ANKRD30B: variants seen among roughly 807,000 people sequenced by gnomAD.
The protein encoded by ANKRD30B is ankyrin repeat domain 30B, also known as ankyrin repeat domain-containing protein 30B.
A neutral mutation model predicts 202.2 loss-of-function variants in ANKRD30B; 144 were observed. That is an observed-to-expected ratio of 0.71 (90% confidence interval 0.62 to 0.82). The LOEUF is 0.82. Ranked by LOEUF, ANKRD30B falls within the 40% of genes least tolerant of loss-of-function variation. ANKRD30B has a pLI of 0.00. For missense variants in ANKRD30B, 1,487 were observed against 1,669.1 expected (o/e 0.89, Z 1.90); for synonymous variants, 508 against 561.3 (o/e 0.91, Z 1.34).
At chr18:14,940,982 G>C in the ANKRD30B span, among the ~76,000 whole-genome samples, 2,800 of 152,132 alleles carry the variant, frequency 0.018, 94 homozygotes, top group African/African-American at 0.063. Flanking sequence ...CACAGCACCT[G>C]AGCTTAGGGT....
chr18:14,894,174 C>T, the ANKRD30B span, among the ~76,000 whole-genome samples: 1 of 152,176 alleles, frequency 6.6e-6, no homozygotes, highest in Middle Eastern at 3.4e-3. Context: ...TTTATCTAAA[C>T]TTTTTTTTCT....
At chr18:14,876,454 CA>C in the ANKRD30B span, among the ~76,000 whole-genome samples, 1 of 152,106 alleles carries the variant, frequency 6.6e-6, no homozygotes, top group South Asian at 2.1e-4. Context: ...GAAATGATGC[CA>C]ACATTTAGCC....
intron 13 of ANKRD30B, 27 bp from the exon 14 acceptor site, chr18:14,784,436 G>C: frequency 6.2e-7 from 1 of 1,612,556 alleles, no homozygotes; most frequent in Middle Eastern, 1.7e-4. Context: ...ATTCTTTATT[G>C]ATCATTTTTC....
At chr18:14,798,848 A>T (rs1969112941) in intron 20 of ANKRD30B, among the ~76,000 whole-genome samples, 2 of 152,168 alleles carry the variant, frequency 1.3e-5, no homozygotes, top group Admixed American at 1.3e-4. Context: ...GTCTTTACAC[A>T]ATCCTGCATG....
At chr18:14,788,023 C>A (rs1479147843) in intron 15 of ANKRD30B, among the ~76,000 whole-genome samples, 2 of 152,116 alleles carry the variant, frequency 1.3e-5, no homozygotes, top group East Asian at 3.8e-4. Context: ...TTATTTTAAG[C>A]CCCTGTTTAC....
intron 2 of ANKRD30B, 23 bp from the exon 3 acceptor site, chr18:14,752,816 A>C: frequency 4.4e-6 from 7 of 1,594,758 alleles, no homozygotes; most frequent in Non-Finnish European, 5.1e-6. Context: ...TTTATAATGT[A>C]CTTCTTGCTT....
the ANKRD30B span, among the ~76,000 whole-genome samples, chr18:14,901,350 A>AT: frequency 6.6e-6 from 1 of 152,198 alleles, no homozygotes. Flanking sequence ...AATTTTGGAG[A>AT]TTATACCATT....
At chr18:14,819,060 G>A (rs1371028469) in intron 30 of ANKRD30B, among the ~76,000 whole-genome samples, 1 of 152,104 alleles carries the variant, frequency 6.6e-6, no homozygotes, top group African/African-American at 2.4e-5. Flanking sequence ...CATTCTAACT[G>A]GTGTGAGATG....
At chr18:14,808,892 T>G in intron 26 of ANKRD30B, 148 bp downstream of exon 26, 1 of 713,410 alleles carries the variant, frequency 1.4e-6, no homozygotes, top group Non-Finnish European at 2.2e-6. Context: ...TATTTATGTT[T>G]GAGAAAATGT....
chr18:14,860,342 C>G, the ANKRD30B span, among the ~76,000 whole-genome samples: 1 of 113,856 alleles, frequency 8.8e-6, no homozygotes, highest in Non-Finnish European at 1.8e-5. Context: ...CCTCACTTCC[C>G]AGACAGGGCT....
At chr18:14,888,498 G>A in the ANKRD30B span, among the ~76,000 whole-genome samples, 2 of 151,870 alleles carry the variant, frequency 1.3e-5, no homozygotes, top group African/African-American at 4.8e-5. Flanking sequence ...TACTAAATCT[G>A]ATTTTTGTGT....
intron 7 of ANKRD30B, among the ~76,000 whole-genome samples, chr18:14,766,148 A>G (rs1186475168): frequency 6.6e-6 from 1 of 152,114 alleles, no homozygotes. Flanking sequence ...CAGACTGTGC[A>G]TGAGCATTTA....
intron 12 of ANKRD30B, among the ~76,000 whole-genome samples, chr18:14,782,833 A>G (rs1967842254): frequency 1.3e-5 from 2 of 152,186 alleles, no homozygotes; most frequent in Non-Finnish European, 2.9e-5. Flanking sequence ...AATCCAAGAT[A>G]CTCTAAGACA....
intron 30 of ANKRD30B, among the ~76,000 whole-genome samples, chr18:14,818,517 C>G (rs1351819056): frequency 3.2e-5 from 3 of 95,044 alleles, no homozygotes; most frequent in Non-Finnish European, 6.7e-5. Flanking sequence ...CCCCCTCCCC[C>G]CACCCTACAA....
the ANKRD30B span, among the ~76,000 whole-genome samples, chr18:14,918,901 T>G: frequency 6.6e-6 from 1 of 152,166 alleles, no homozygotes. Flanking sequence ...AATGTTGTTA[T>G]GAAAAGAGCT....
chr18:14,750,924 T>A (rs1008211016), intron 1 of ANKRD30B, among the ~76,000 whole-genome samples: 12 of 152,094 alleles, frequency 7.9e-5, no homozygotes, highest in African/African-American at 2.4e-4. Flanking sequence ...TTTTCCTTTT[T>A]TTATCTTTGA....
At chr18:14,934,908 CCACACACACACACACA>C in the ANKRD30B span, among the ~76,000 whole-genome samples, 1 of 134,602 alleles carries the variant, frequency 7.4e-6, no homozygotes, top group Admixed American at 7.4e-5. Flanking sequence ...CCTCCCTCTA[CCACACACACACACACA>C]CACACACACA....
chr18:14,856,023 T>G (rs1713881), downstream of ANKRD30B, among the ~76,000 whole-genome samples: 1 of 108,748 alleles, frequency 9.2e-6, no homozygotes, highest in East Asian at 2.9e-4. Flanking sequence ...CAGGCAGAGG[T>G]GCTCCTCGCC....
At chr18:14,904,589 CATG>C in the ANKRD30B span, among the ~76,000 whole-genome samples, 2 of 152,162 alleles carry the variant, frequency 1.3e-5, no homozygotes, top group Admixed American at 1.3e-4. Context: ...CATTCTCCCT[CATG>C]TCTATATATC....
Sources: gnomAD v4.1 joint callset for allele counts (sites outside exome capture counted in the v4.1 genomes callset) on GRCh38, gnomAD v4.1.1 for gene constraint, MANE v1.5 for transcripts, NCBI Gene and HGNC (gene_info 2026-07-23, HGNC 2026-07-21) for gene names.